The following NCKAP5 variants were observed in gnomAD, a reference collection of about 807,000 sequenced individuals.
NCKAP5 encodes the protein NCK associated protein 5.
Under a neutral mutation model 167.0 loss-of-function variants are expected in NCKAP5, and 92 were observed. The observed-to-expected ratio is 0.55, with a 90% confidence interval of 0.47 to 0.66. NCKAP5 has a LOEUF of 0.66. NCKAP5 is among the 30% of genes least tolerant of loss of function. The probability of loss-of-function intolerance (pLI) is 0.00; values close to 1 mark genes in which losing one functional copy is unlikely to be tolerated. For synonymous variants in NCKAP5, 891 were observed against 877.4 expected, an observed-to-expected ratio of 1.02 and a Z score of -0.27; for missense variants, 2,378 against 2,315.0, an observed-to-expected ratio of 1.03 and a Z score of -0.56.
chr2:132,924,709 AG>A (rs1399033780), intron 8 of NCKAP5, among the ~76,000 whole-genome samples: 1 of 152,228 alleles, frequency 6.6e-6, no homozygotes, highest in East Asian at 1.9e-4. Context: ...CATATACATC[AG>A]GGATTTCATT....
chr2:132,980,783 A>C (rs374823254), intron 7 of NCKAP5, among the ~76,000 whole-genome samples: 6 of 152,242 alleles, frequency 3.9e-5, no homozygotes, highest in African/African-American at 1.4e-4. Flanking sequence ...AGAAAAAAAA[A>C]GGTAATAAAA....
chr2:133,177,164 CTATATATA>C (rs61395261), intron 5 of NCKAP5, among the ~76,000 whole-genome samples: 9 of 138,606 alleles, frequency 6.5e-5, no homozygotes, highest in Admixed American at 1.4e-4. Flanking sequence ...GTTTTGTTTT[CTATATATA>C]TATATATATA....
At chr2:132,720,467 T>A (rs1689798594) in intron 19 of NCKAP5, among the ~76,000 whole-genome samples, 4 of 152,218 alleles carry the variant, frequency 2.6e-5, no homozygotes, top group Admixed American at 2.0e-4. Flanking sequence ...TTGGCCACAT[T>A]CAGTGTGTTG....
chr2:133,020,794 T>A (rs2078499180), intron 6 of NCKAP5, among the ~76,000 whole-genome samples: 1 of 152,102 alleles, frequency 6.6e-6, no homozygotes, highest in Admixed American at 6.5e-5. Flanking sequence ...AGGGACATCC[T>A]CACAACACAA....
Position 132,784,350 on chromosome 2 carries a change from C to A in NCKAP5, c.2461G>T (p.Ala821Ser), listed in dbSNP as rs780176805. 1 of 1,613,858 alleles carries A rather than the reference C, an allele frequency of 6.2e-7. No individual in the cohort carries two copies. Among genetic ancestry groups the A allele is most frequent in the Admixed American group, 1.7e-5 (1 of 59,998 alleles). ...CCAGATGAAGGGAGTAGTGTGGTGG[C>A]TTCGGGCTCCATTAGTTTTGATTTC... ...PQKSKLMEPE[A>S]TTLLPSSGLV... is the part of the protein sequence containing the mutation. The change falls in exon 14 of 20, where the codon GCC (alanine) becomes TCC (serine). Residue 821 changes from alanine to serine, a missense_variant. Around this residue, in one of 3 missense-constraint regions of NCKAP5, gnomAD observed 1,049 missense variants for 1,023.4 expected, o/e 1.02. Coordinates refer to ENST00000409261, the MANE Select transcript of NCKAP5 (RefSeq NM_207363.3).
intron 6 of NCKAP5, among the ~76,000 whole-genome samples, chr2:133,067,726 T>C (rs2080246524): frequency 6.6e-6 from 1 of 152,184 alleles, no homozygotes; most frequent in African/African-American, 2.4e-5. Flanking sequence ...GAAGGCAAGC[T>C]GCATTAGAGA....
At chr2:133,077,339 G>C (rs951698665) in intron 6 of NCKAP5, among the ~76,000 whole-genome samples, 1 of 152,100 alleles carries the variant, frequency 6.6e-6, no homozygotes, top group African/African-American at 2.4e-5. Context: ...GATGCTTCTA[G>C]ACCAGAAAAA....
At chr2:133,456,777 T>A (rs937839787) in intron 3 of NCKAP5, among the ~76,000 whole-genome samples, 14 of 152,202 alleles carry the variant, frequency 9.2e-5, no homozygotes, top group African/African-American at 3.4e-4. Flanking sequence ...GCCTTTCTTG[T>A]TTAACAGAAG....
chr2:133,394,389 G>A lies in NCKAP5; in HGVS notation c.70-91279C>T, dbSNP rs535063076. Among the ~76,000 whole-genome samples the A allele has an allele frequency of 2.0e-5, 3 of 152,296 alleles. No individual in the cohort carries two copies. The East Asian group carries it at 5.8e-4, about 29-fold the overall frequency. ...GTGGAAGTGAAGGAAATCTCTCAGA[G>A]AAGATGGACTATCCAAGACAAGAGC... is the stretch of plus-strand genomic sequence containing the variant. On this transcript the variant is annotated intron_variant, in intron 3 of 19. Transcript: ENST00000409261.
intron 8 of NCKAP5, among the ~76,000 whole-genome samples, chr2:132,918,086 T>C (rs1435684079): frequency 2.0e-5 from 3 of 152,224 alleles, no homozygotes; most frequent in Non-Finnish European, 4.4e-5. Flanking sequence ...TAATGGACTA[T>C]AATGGGCTCC....
intron 6 of NCKAP5, among the ~76,000 whole-genome samples, chr2:133,065,301 C>A (rs183998559): frequency 6.6e-6 from 1 of 152,108 alleles, no homozygotes; most frequent in Non-Finnish European, 1.5e-5. Flanking sequence ...AAAACAGCTG[C>A]GCAACAGCCA....
chr2:133,287,834 A>G (rs1679271606), intron 4 of NCKAP5, among the ~76,000 whole-genome samples: 1 of 152,196 alleles, frequency 6.6e-6, no homozygotes, highest in African/African-American at 2.4e-5. Flanking sequence ...ATGGAGAGAG[A>G]GGCCACAAAG....
the NCKAP5 span, among the ~76,000 whole-genome samples, chr2:133,644,151 G>C: frequency 6.6e-6 from 1 of 152,186 alleles, no homozygotes; most frequent in Non-Finnish European, 1.5e-5. Context: ...GTTCCTGGAA[G>C]AGATTAACAT....
chr2:132,742,732 C>T (rs1393468723), intron 16 of NCKAP5, among the ~76,000 whole-genome samples: 1 of 151,784 alleles, frequency 6.6e-6, no homozygotes, highest in African/African-American at 2.4e-5. Context: ...CAACCTTAAG[C>T]TTTTAAAAAA....
intron 2 of NCKAP5, among the ~76,000 whole-genome samples, chr2:133,543,524 A>T (rs1233540597): frequency 6.6e-6 from 1 of 152,200 alleles, no homozygotes; most frequent in Non-Finnish European, 1.5e-5. Flanking sequence ...GAAGCTTCAC[A>T]TCCAATAGTA....
intron 8 of NCKAP5, among the ~76,000 whole-genome samples, chr2:132,948,070 G>C (rs1697894352): frequency 6.6e-6 from 1 of 152,172 alleles, no homozygotes; most frequent in African/African-American, 2.4e-5. Context: ...ACAGGGAAGA[G>C]AGGGGAACTG....
chr2:133,112,711 C>T (rs143722562), intron 6 of NCKAP5, among the ~76,000 whole-genome samples: 223 of 152,238 alleles, frequency 1.5e-3, no homozygotes, highest in African/African-American at 5.2e-3. Flanking sequence ...TATTGGAAAC[C>T]CTTCCAAGCC....
At chr2:133,141,103 C>T (rs956663228) in intron 5 of NCKAP5, among the ~76,000 whole-genome samples, 7 of 152,026 alleles carry the variant, frequency 4.6e-5, no homozygotes, top group Non-Finnish European at 8.8e-5. Context: ...TAGTCTTAAT[C>T]CTGACTGAGG....
chr2:132,882,514 C>T (rs139499668), intron 8 of NCKAP5, among the ~76,000 whole-genome samples: 120 of 152,280 alleles, frequency 7.9e-4, no homozygotes, highest in Admixed American at 1.4e-3. Flanking sequence ...AATTGGTACG[C>T]TACCCAAACC....
Sources: gnomAD v4.1 joint callset for allele counts (sites outside exome capture counted in the v4.1 genomes callset) on GRCh38, gnomAD v4.1.1 for gene constraint, gnomAD v4.1.1 regional missense constraint, MANE v1.5 for transcripts, NCBI Gene and HGNC (gene_info 2026-07-23, HGNC 2026-07-21) for gene names.